Variants in PPHLN1 observed in about 807,000 individuals in gnomAD.
The protein encoded by PPHLN1 is periphilin 1, also known as periphilin-1.
PPHLN1 carries 29 observed loss-of-function variants against 51.3 expected under a neutral mutation model. The observed-to-expected ratio is 0.57, with a 90% CI of 0.42 to 0.77. The LOEUF (loss-of-function observed/expected upper bound fraction) is 0.77. Ranked by LOEUF, PPHLN1 falls within the 30% of genes least tolerant of loss-of-function variation. The pLI is 0.00. For synonymous variants in PPHLN1, 147 were observed against 147.8 expected (o/e 0.99, Z 0.04); for missense variants, 436 against 438.4 (o/e 0.99, Z 0.05).
chr12:42,412,895 T>C (rs925155108), intron 9 of PPHLN1, among the ~76,000 whole-genome samples: 1 of 152,232 alleles, frequency 6.6e-6, no homozygotes, highest in Non-Finnish European at 1.5e-5. Flanking sequence ...TTTTTTCGTA[T>C]GTTTGTTGGT....
At chr12:42,333,218 A>G (rs1248397350) in intron 1 of PPHLN1, among the ~76,000 whole-genome samples, 1 of 152,166 alleles carries the variant, frequency 6.6e-6, no homozygotes, top group Non-Finnish European at 1.5e-5. Flanking sequence ...CTCCTTTTGT[A>G]TAAATATAAT....
At chr12:42,344,347 A>G (rs1188700742) in intron 2 of PPHLN1, among the ~76,000 whole-genome samples, 4 of 152,208 alleles carry the variant, frequency 2.6e-5, no homozygotes, top group Admixed American at 2.6e-4. Flanking sequence ...CAAGCATATA[A>G]TAACACACAT....
chr12:42,326,387 G>C (rs966665749), intron 1 of PPHLN1, among the ~76,000 whole-genome samples, 158 bp downstream of exon 1: 1 of 152,242 alleles, frequency 6.6e-6, no homozygotes, highest in South Asian at 2.1e-4. Context: ...GAGAGACGCA[G>C]TGGAGTTTGG....
chr12:42,344,073 T>A (rs996603144), intron 2 of PPHLN1, among the ~76,000 whole-genome samples: 1 of 152,184 alleles, frequency 6.6e-6, no homozygotes, highest in South Asian at 2.1e-4. Flanking sequence ...AAGCATGTGA[T>A]GCCAGAAGTA....
rs373853349 is a variant in PPHLN1, at chr12:42,414,750, A to C, written c.909+15756A>C. On this transcript the variant is annotated intron_variant, in intron 9 of 9. Transcript: ENST00000358314. ...GCAATAGTTTGACTTACTCATTTTCAGTTTGAATGCCCTTTATTTCTTTCG... is the reference window on the plus strand; with the variant it reads ...GCAATAGTTTGACTTACTCATTTTCCGTTTGAATGCCCTTTATTTCTTTCG... Among the ~76,000 whole-genome samples the C allele has an allele frequency of 1.1e-4, 16 of 152,262 alleles. No homozygotes were observed. In the East Asian group the frequency reaches 2.7e-3, roughly 26 times the overall value.
In PPHLN1 at chr12:42,402,523, C is replaced by T. The variant is rs113359921; in HGVS notation, c.909+3529C>T. ...ATGGGCTACTTTACTAGCTTTTCTT[C>T]GCTTTTCCCTCCAAATAAAAGGGTT... On this transcript the variant is annotated intron_variant, in intron 9 of 9. Transcript: ENST00000358314. Among the ~76,000 whole-genome samples the T allele has an allele frequency of 5.0e-3, 758 of 152,230 alleles. 2 individuals carry two copies. Among genetic ancestry groups the T allele is most frequent in the African/African-American group, 0.017 (687 of 41,546 alleles).
intron 9 of PPHLN1, among the ~76,000 whole-genome samples, chr12:42,427,788 A>G (rs1191146223): frequency 2.0e-5 from 3 of 152,238 alleles, no homozygotes; most frequent in African/African-American, 4.8e-5. Context: ...GAGCTTTTAC[A>G]CAGCAAAAGG....
At chr12:42,379,390 TCTTC>T (rs2076577448) in intron 5 of PPHLN1, among the ~76,000 whole-genome samples, 1 of 152,050 alleles carries the variant, frequency 6.6e-6, no homozygotes, top group Non-Finnish European at 1.5e-5. Flanking sequence ...TAAAGATATT[TCTTC>T]CTTTTATGTT....
chr12:42,398,944 C>G lies in PPHLN1; in HGVS notation c.859C>G (p.Leu287Val). ...GATAGAATTATTTGAAGATAGTCAG[C>G]TAACCACTCGCTCTAAAGCAATAGC... ...HGIELFEDSQLTTRSKAIASK... is the reference protein window; with the variant it reads ...HGIELFEDSQVTTRSKAIASK... The change falls in exon 9 of 10, where the codon CTA becomes GTA. Residue 287 changes from leucine (L) to valine (V), a missense_variant. Coordinates refer to ENST00000358314, the MANE Select transcript of PPHLN1 (RefSeq NM_201439.2). 1 of 1,614,060 alleles carries G rather than the reference C, an allele frequency of 6.2e-7. No homozygotes were observed. The highest frequency in any genetic ancestry group is 8.5e-7 in the Non-Finnish European group (1 of 1,179,932).
chr12:42,418,151 G>C (rs1458348394), intron 9 of PPHLN1, among the ~76,000 whole-genome samples: 1 of 147,634 alleles, frequency 6.8e-6, no homozygotes, highest in Non-Finnish European at 1.5e-5. Flanking sequence ...GTGTTAGCCA[G>C]GATGGTCTCG....
chr12:42,417,942 T>C (rs1159098722), intron 9 of PPHLN1, among the ~76,000 whole-genome samples: 2 of 49,408 alleles, frequency 4.0e-5, no homozygotes, highest in African/African-American at 8.0e-5. Context: ...GTTTTTTTTT[T>C]GTTTTTTTTT....
At chr12:42,332,746 A>AT (rs777867925) in intron 1 of PPHLN1, 25 of 1,207,550 alleles carry the variant, frequency 2.1e-5, no homozygotes, top group African/African-American at 7.7e-5. Flanking sequence ...TTATTGTTAC[A>AT]TTTTTTGTGG....
chr12:42,407,872 C>T (rs1306988622), intron 9 of PPHLN1, among the ~76,000 whole-genome samples: 1 of 151,946 alleles, frequency 6.6e-6, no homozygotes, highest in Non-Finnish European at 1.5e-5. Flanking sequence ...ACAGATGCAC[C>T]CATACCCATT....
downstream of PPHLN1, chr12:42,446,146 G>A (rs781191906): frequency 8.2e-6 from 13 of 1,593,440 alleles, no homozygotes; most frequent in East Asian, 2.3e-4. Flanking sequence ...TTCGTCGGAC[G>A]ACAGGAGCCC....
At chr12:42,415,153 T>C (rs1262185525) in intron 9 of PPHLN1, among the ~76,000 whole-genome samples, 1 of 152,118 alleles carries the variant, frequency 6.6e-6, no homozygotes, top group East Asian at 1.9e-4. Context: ...CCAAAATCTG[T>C]CATTTTTATT....
chr12:42,420,237 G>T (rs2080863001), intron 9 of PPHLN1, among the ~76,000 whole-genome samples: 1 of 151,680 alleles, frequency 6.6e-6, no homozygotes, highest in Admixed American at 6.6e-5. Flanking sequence ...TTTAATTATT[G>T]CTTCATCTTA....
At chr12:42,378,818 A>G (rs1482601318) in intron 5 of PPHLN1, among the ~76,000 whole-genome samples, 2 of 152,230 alleles carry the variant, frequency 1.3e-5, no homozygotes, top group African/African-American at 4.8e-5. Flanking sequence ...TTATCCTTCT[A>G]CATCCAACTT....
intron 4 of PPHLN1, among the ~76,000 whole-genome samples, chr12:42,367,335 C>A (rs890699562): frequency 1.3e-5 from 2 of 151,914 alleles, no homozygotes; most frequent in East Asian, 1.9e-4. Flanking sequence ...ACAGTTGAGT[C>A]CTATTTCTGT....
rs76144184 is a variant in PPHLN1 at position 42,382,074 on chromosome 12, G to A, written c.512-2866G>A. On this transcript the variant is annotated intron_variant, in intron 5 of 9. Coordinates refer to ENST00000358314, the MANE Select transcript of PPHLN1 (RefSeq NM_201439.2). The stretch of plus-strand genomic sequence containing the variant: ...GAATAGCACTTGATGTAGGAGGATT[G>A]GATAAATTTGGTTAGATTTATCATT... Among the ~76,000 whole-genome samples the A allele has an allele frequency of 5.4e-3, 820 of 152,084 alleles. 4 individuals are homozygous for A. The highest frequency in any genetic ancestry group is 8.2e-3 in the Non-Finnish European group (555 of 68,002).
Sources: allele counts gnomAD v4.1 joint callset (sites outside exome capture counted in the v4.1 genomes callset), GRCh38; gene constraint gnomAD v4.1.1; transcripts MANE v1.5; gene names NCBI Gene and HGNC (gene_info 2026-07-23, HGNC 2026-07-21).